Variants in BMP2K observed in about 807,000 individuals in gnomAD.
BMP2K encodes the protein BMP2 inducible kinase.
In BMP2K, 74 loss-of-function variants were observed where a neutral mutation model predicts 116.0. The observed-to-expected ratio is 0.64, with a 90% confidence interval of 0.53 to 0.77. The LOEUF is 0.77. Among genes scored for constraint, BMP2K ranks in the 30% least tolerant of loss-of-function variants. The pLI, the probability that BMP2K is intolerant of heterozygous loss-of-function variation, is 0.00. For synonymous variants in BMP2K, 486 were observed against 502.5 expected, an observed-to-expected ratio of 0.97 and a Z score of 0.44; for missense variants, 1,365 against 1,403.6, an observed-to-expected ratio of 0.97 and a Z score of 0.44.
At chr4:78,865,533 A>C in intron 9 of BMP2K, 24 bp from the exon 10 acceptor site, 2 of 1,606,022 alleles carry the variant, frequency 1.2e-6, no homozygotes, top group Non-Finnish European at 1.7e-6. Context: ...AGTATTTAGA[A>C]TGAAATATAT....
chr4:78,812,023 G>C (rs911992361), intron 1 of BMP2K, among the ~76,000 whole-genome samples: 4 of 152,014 alleles, frequency 2.6e-5, no homozygotes, highest in Non-Finnish European at 4.4e-5. Flanking sequence ...ACCCAGGCTA[G>C]AGTGGAGTGG....
At chr4:78,894,364 C>G (rs948081558) in intron 15 of BMP2K, among the ~76,000 whole-genome samples, 1 of 152,176 alleles carries the variant, frequency 6.6e-6, no homozygotes, top group South Asian at 2.1e-4. Context: ...GTGTAGCCAC[C>G]TTCATCAGTG....
chr4:78,818,481 T>C (rs1057095595), intron 1 of BMP2K, among the ~76,000 whole-genome samples: 1 of 152,230 alleles, frequency 6.6e-6, no homozygotes, highest in African/African-American at 2.4e-5. Context: ...TGGTATCTCA[T>C]TGTGGTTTTG....
At chr4:78,895,103 GA>G (rs1733634996) in intron 15 of BMP2K, among the ~76,000 whole-genome samples, 1 of 152,126 alleles carries the variant, frequency 6.6e-6, no homozygotes, top group South Asian at 2.1e-4. Flanking sequence ...CAATAATAAT[GA>G]AAAAGTTTTA....
intron 1 of BMP2K, among the ~76,000 whole-genome samples, chr4:78,797,521 C>G (rs997427394): frequency 1.3e-5 from 2 of 152,060 alleles, no homozygotes; most frequent in Admixed American, 6.6e-5. Context: ...TTAATAAATA[C>G]TCTAGGTAAT....
At chr4:78,885,738 T>C (rs1352971644) in intron 14 of BMP2K, among the ~76,000 whole-genome samples, 1 of 152,296 alleles carries the variant, frequency 6.6e-6, no homozygotes, top group Non-Finnish European at 1.5e-5. Flanking sequence ...GCTTGAAATA[T>C]CTGGAAAGGA....
intron 15 of BMP2K, among the ~76,000 whole-genome samples, chr4:78,889,446 AATATT>A (rs1283679446): frequency 6.6e-6 from 1 of 152,196 alleles, no homozygotes; most frequent in Admixed American, 6.5e-5. Flanking sequence ...TCAGATCTAA[AATATT>A]AAGTTAAAAA....
At chr4:78,822,734 AT>A (rs112391597) in intron 1 of BMP2K, among the ~76,000 whole-genome samples, 2 of 152,176 alleles carry the variant, frequency 1.3e-5, no homozygotes, top group African/African-American at 4.8e-5. Flanking sequence ...CAATAATCTT[AT>A]GATTTGTGTA....
chr4:78,787,716 G>GAACT lies in BMP2K; in HGVS notation c.178+10996_178+10999dup, dbSNP rs373629064. ...ATTAACTTTGGGGATTCCTCTAACT[G>GAACT]AACTGTATGATATTGAAGGTACTTA... On this transcript the variant is annotated intron_variant, in intron 1 of 15. Transcript: ENST00000502613. Among the ~76,000 whole-genome samples, 4 of 152,158 alleles carry GAACT rather than the reference G, an allele frequency of 2.6e-5. No individual in the cohort carries two copies. The East Asian group carries it at 7.7e-4, about 29-fold the overall frequency.
At chr4:78,780,063 G>C (rs1394283121) in intron 1 of BMP2K, among the ~76,000 whole-genome samples, 1 of 152,176 alleles carries the variant, frequency 6.6e-6, no homozygotes, top group Non-Finnish European at 1.5e-5. Context: ...AACCTTCCAA[G>C]TTTTTACTAA....
At chr4:78,888,381 T>A (rs1003913949) in intron 15 of BMP2K, among the ~76,000 whole-genome samples, 5 of 152,188 alleles carry the variant, frequency 3.3e-5, no homozygotes, top group Admixed American at 6.5e-5. Flanking sequence ...TATTACTGTC[T>A]AAAATTATAA....
intron 13 of BMP2K, among the ~76,000 whole-genome samples, chr4:78,873,528 T>A (rs1418032332): frequency 6.6e-6 from 1 of 152,156 alleles, no homozygotes; most frequent in Non-Finnish European, 1.5e-5. Flanking sequence ...AAACATTAGC[T>A]GAGAAAAGGT....
chr4:78,785,545 G>A (rs1397168940), intron 1 of BMP2K, among the ~76,000 whole-genome samples: 1 of 152,190 alleles, frequency 6.6e-6, no homozygotes, highest in East Asian at 1.9e-4. Flanking sequence ...CAGTGGGCAT[G>A]CCACCTTAAT....
At chr4:78,861,183 A>T (rs1326705200) in intron 8 of BMP2K, among the ~76,000 whole-genome samples, 1 of 151,924 alleles carries the variant, frequency 6.6e-6, no homozygotes, top group Non-Finnish European at 1.5e-5. Flanking sequence ...TGGCACATGA[A>T]TATGAAATTG....
At chr4:78,886,226 A>G (rs1370477727) in intron 14 of BMP2K, among the ~76,000 whole-genome samples, 3 of 152,146 alleles carry the variant, frequency 2.0e-5, no homozygotes, top group Admixed American at 6.5e-5. Flanking sequence ...TATCAACTCA[A>G]AACACACCGG....
intron 14 of BMP2K, chr4:78,879,332 T>G: frequency 1.0e-6 from 1 of 990,306 alleles, no homozygotes; most frequent in Non-Finnish European, 1.2e-6. Context: ...GGCTACTACA[T>G]TATGTTAATG....
At chr4:78,879,089 A>G (rs1732776587) in intron 14 of BMP2K, 198 bp downstream of exon 14, 3 of 1,336,310 alleles carry the variant, frequency 2.2e-6, no homozygotes, top group South Asian at 4.4e-5. Flanking sequence ...GATAGTAGCT[A>G]TTAAACCCAA....
intron 1 of BMP2K, among the ~76,000 whole-genome samples, chr4:78,818,790 GTT>G (rs373252130): frequency 3.9e-5 from 5 of 129,396 alleles, no homozygotes; most frequent in African/African-American, 5.6e-5. Flanking sequence ...ATGAAGCAGT[GTT>G]TTTTTTTTTT....
intron 15 of BMP2K, among the ~76,000 whole-genome samples, chr4:78,896,667 AAATG>A (rs1333215792): frequency 6.6e-6 from 1 of 152,228 alleles, no homozygotes; most frequent in Non-Finnish European, 1.5e-5. Flanking sequence ...TGATTTTTAC[AAATG>A]AATTATCTTT....
Sources: allele counts gnomAD v4.1 joint callset (sites outside exome capture counted in the v4.1 genomes callset), GRCh38; gene constraint gnomAD v4.1.1; transcripts MANE v1.5; gene names NCBI Gene and HGNC (gene_info 2026-07-23, HGNC 2026-07-21).